TLE2: variants seen among roughly 807,000 people sequenced by gnomAD.
TLE2 encodes the protein TLE family member 2, transcriptional corepressor.
In TLE2, 74 loss-of-function variants were observed where a neutral mutation model predicts 97.2. That is an observed-to-expected ratio of 0.76 (90% confidence interval 0.63 to 0.92). TLE2 has a LOEUF of 0.92. Among genes scored for constraint, TLE2 ranks in the 40% least tolerant of loss-of-function variants. The pLI, the probability that TLE2 is intolerant of heterozygous loss-of-function variation, is 0.00. For missense variants in TLE2, 1,038 were observed against 1,008.7 expected (o/e 1.03, Z -0.39); for synonymous variants, 499 against 432.1 (o/e 1.15, Z -1.92).
intron 8 of TLE2, 101 bp downstream of exon 8, chr19:3,017,739 A>C: frequency 8.7e-7 from 1 of 1,152,154 alleles, no homozygotes; most frequent in Non-Finnish European, 1.2e-6. Flanking sequence ...GGCGTGAGCC[A>C]CCATGATCGA....
intron 19 of TLE2, among the ~76,000 whole-genome samples, chr19:2,999,361 G>C (rs1201544054): frequency 1.3e-5 from 2 of 152,090 alleles, no homozygotes; most frequent in Non-Finnish European, 2.9e-5. Context: ...ATATTAAAAA[G>C]ACAGCCAATA....
At chr19:3,036,843 A>G (rs1194434936) in intron 1 of TLE2, among the ~76,000 whole-genome samples, 1 of 152,114 alleles carries the variant, frequency 6.6e-6, no homozygotes, top group Non-Finnish European at 1.5e-5. Context: ...GGAGGGGGAG[A>G]CAGCCCAGCT....
chr19:2,999,598 G>T (rs1199193435), intron 19 of TLE2, among the ~76,000 whole-genome samples: 1 of 151,614 alleles, frequency 6.6e-6, no homozygotes, highest in African/African-American at 2.4e-5. Context: ...GTGGTGGCGG[G>T]TACCTGGAGT....
At chr19:3,037,628 G>A (rs2090071993) in intron 1 of TLE2, among the ~76,000 whole-genome samples, 1 of 152,072 alleles carries the variant, frequency 6.6e-6, no homozygotes, top group Non-Finnish European at 1.5e-5. Context: ...GGGCCTGGGA[G>A]CCCGTGGTAG....
chr19:3,029,568 G>GT, upstream of TLE2: 1 of 742,032 alleles, frequency 1.3e-6, no homozygotes, highest in Non-Finnish European at 1.6e-6. Context: ...CGGGGGGGGG[G>GT]GCTTGCGGGG....
chr19:3,017,769 C>T (rs916766290), intron 8 of TLE2, 71 bp downstream of exon 8: 13 of 1,457,816 alleles, frequency 8.9e-6, no homozygotes, highest in East Asian at 2.3e-5. Flanking sequence ...CATTCTGAGG[C>T]CCCCATCAGC....
At position 2,997,803 on chromosome 19, in the gene TLE2, T is replaced by A. The variant is rs1362600716; in HGVS notation, c.*45A>T. ...TAGGATGTCTGTCCTGGCTGCTGAT[T>A]CCCCTGGGAGTCTGGACTTCGGGTA... On this transcript the variant is annotated 3_prime_UTR_variant, in exon 20 of 20. Transcript: ENST00000262953. The A allele has an allele frequency of 1.4e-6, 2 of 1,419,624 alleles. No individual in the cohort carries two copies. The highest frequency in any genetic ancestry group is 2.0e-6 in the Non-Finnish European group (2 of 1,021,504). The allele number at this position is 1,419,624 out of a possible 1,614,324, so 87.9% of individuals were successfully genotyped here. A position where few individuals can be genotyped will look rare whatever the true frequency, so the allele number is the denominator to read the frequency against.
rs1288739126 is a variant in TLE2 at position 3,019,191 on chromosome 19, T to A, written c.550+92A>T. 1.3e-6 allele frequency: 2 copies of A among 1,483,702 alleles called. No individual in the cohort carries two copies. The highest frequency in any genetic ancestry group is 2.8e-5 in the African/African-American group (2 of 71,904). The allele number at this position is 1,483,702 out of a possible 1,614,324, so 91.9% of individuals were successfully genotyped here. ...GGGATTATAGGCATGAGCCACTTCA[T>A]CCCCTCACGCTGATGTTTGCTACCC... On this transcript the variant is annotated intron_variant, in intron 7 of 19. Coordinates refer to ENST00000262953, the MANE Select transcript of TLE2 (RefSeq NM_003260.5). This position sits in a 1 kb window ranked among gnomAD's most constrained non-coding sequence, Gnocchi z 5.1.
chr19:3,040,996 T>TATATATATATATATATATATATAC (rs1568256459), intron 1 of TLE2, among the ~76,000 whole-genome samples: 34 of 27,786 alleles, frequency 1.2e-3, no homozygotes, highest in African/African-American at 7.8e-3. Flanking sequence ...GCCATTTATA[T>TATATATATATATATATATATATAC]ATATATATAT....
intron 19 of TLE2, among the ~76,000 whole-genome samples, 152 bp from the exon 20 acceptor site, chr19:2,998,107 G>C (rs866410473): frequency 6.6e-6 from 1 of 151,932 alleles, no homozygotes; most frequent in Non-Finnish European, 1.5e-5. Flanking sequence ...TTTTGTTCTT[G>C]TCGCCCAGGC....
chr19:3,047,393 C>T (rs2090152755), upstream of TLE2, among the ~76,000 whole-genome samples: 1 of 144,780 alleles, frequency 6.9e-6, no homozygotes, highest in African/African-American at 2.6e-5. Context: ...GGCCCCGGGA[C>T]CCTCCCCAAA....
chr19:3,024,672 G>GA (rs1283918992), intron 5 of TLE2, among the ~76,000 whole-genome samples: 1 of 152,150 alleles, frequency 6.6e-6, no homozygotes, highest in Non-Finnish European at 1.5e-5. Context: ...CTACGCTACT[G>GA]AAAAAACAGA....
At chr19:3,013,240 C>T (rs1030236487) in intron 11 of TLE2, among the ~76,000 whole-genome samples, 4 of 151,998 alleles carry the variant, frequency 2.6e-5, no homozygotes, top group African/African-American at 9.7e-5. Flanking sequence ...AAACTTGTTC[C>T]TATATTAATT....
upstream of TLE2, among the ~76,000 whole-genome samples, chr19:3,031,342 T>TTGTGTG (rs60898410): frequency 0.013 from 1,828 of 139,942 alleles, 14 homozygotes; most frequent in Middle Eastern, 0.018. Flanking sequence ...AAAGATACAA[T>TTGTGTG]TGTGTGTGTG....
intron 7 of TLE2, 96 bp from the exon 8 acceptor site, chr19:3,017,955 C>T (rs747887149): frequency 8.6e-6 from 10 of 1,165,374 alleles, no homozygotes; most frequent in Admixed American, 2.2e-5. Context: ...GTTTATAAAG[C>T]CCCCCGCCCC....
chr19:3,021,122 G>T lies in TLE2; in HGVS notation c.295-1349C>A, dbSNP rs564686643. ...AAAAAAAAAAAAAAAAAAGGGGGGGGGGTGCTGAGCGTGGTGACTCACACC... is the reference window on the plus strand; with the variant it reads ...AAAAAAAAAAAAAAAAAAGGGGGGGTGGTGCTGAGCGTGGTGACTCACACC... On this transcript the variant is annotated intron_variant, in intron 5 of 19. Coordinates refer to ENST00000262953, the MANE Select transcript of TLE2 (RefSeq NM_003260.5). 9.4e-5 allele frequency among the ~76,000 whole-genome samples: 12 copies of T among 127,674 alleles called. No individual in the cohort carries two copies. In the South Asian group the frequency reaches 1.0e-3, roughly 11 times the overall value. The allele number at this position is 127,674 out of a possible 152,430, so 83.8% of individuals were successfully genotyped here.
intron 19 of TLE2, 78 bp from the exon 20 acceptor site, chr19:2,998,033 G>C: frequency 9.5e-7 from 1 of 1,048,766 alleles, no homozygotes; most frequent in Non-Finnish European, 1.4e-6. Context: ...AGGCTGGGGC[G>C]GAGTCAGGAA....
intron 17 of TLE2, among the ~76,000 whole-genome samples, 156 bp from the exon 18 acceptor site, chr19:3,002,659 A>G (rs1599194936): frequency 1.3e-5 from 2 of 149,400 alleles, no homozygotes; most frequent in Non-Finnish European, 3.0e-5. Context: ...CTGCCTCAGC[A>G]CCAGAAGCTG....
upstream of TLE2, among the ~76,000 whole-genome samples, chr19:3,031,910 T>C (rs11666683): frequency 0.11 from 16,036 of 152,086 alleles, 1,029 homozygotes; most frequent in African/African-American, 0.17. Flanking sequence ...CCTACCATAG[T>C]GTGTGGCTTT....
Sources: allele counts gnomAD v4.1 joint callset (sites outside exome capture counted in the v4.1 genomes callset), GRCh38; gene constraint gnomAD v4.1.1; non-coding constraint Gnocchi (gnomAD v3.1); transcripts MANE v1.5; gene names NCBI Gene and HGNC (gene_info 2026-07-23, HGNC 2026-07-21).